PCLO: variants seen among roughly 807,000 people sequenced by gnomAD.
The protein encoded by PCLO is piccolo presynaptic cytomatrix protein.
In PCLO, 82 loss-of-function variants were observed where a neutral mutation model predicts 427.5. That is an observed-to-expected ratio of 0.19 (90% CI 0.16 to 0.23). The LOEUF is 0.23. Among genes scored for constraint, PCLO ranks in the 10% least tolerant of loss-of-function variants. PCLO has a pLI of 1.00. For synonymous variants in PCLO, 2,357 were observed against 2,155.4 expected, an observed-to-expected ratio of 1.09 and a Z score of -2.59; for missense variants, 6,239 against 6,115.9, an observed-to-expected ratio of 1.02 and a Z score of -0.67.
At chr7:83,031,733 T>TCC (rs1391964511) in intron 3 of PCLO, among the ~76,000 whole-genome samples, 44 of 126,984 alleles carry the variant, frequency 3.5e-4, no homozygotes, top group African/African-American at 1.1e-3. Context: ...TCTCTCTCTC[T>TCC]CCCTCCCCCT....
intron 22 of PCLO, among the ~76,000 whole-genome samples, chr7:82,772,294 T>A (rs1254609838): frequency 6.6e-6 from 1 of 152,138 alleles, no homozygotes; most frequent in African/African-American, 2.4e-5. Context: ...ATATTTCGGA[T>A]ATTTTTTTTC....
intron 3 of PCLO, among the ~76,000 whole-genome samples, chr7:83,070,412 A>G (rs10954700): frequency 0.24 from 34,666 of 145,008 alleles, 4,622 homozygotes; most frequent in East Asian, 0.56. Flanking sequence ...TTTGGAGACC[A>G]AGTCTCGCTC....
chr7:83,028,215 C>T (rs1356845583), intron 3 of PCLO, among the ~76,000 whole-genome samples: 1 of 151,658 alleles, frequency 6.6e-6, no homozygotes, highest in African/African-American at 2.4e-5. Context: ...ACCCCATTGT[C>T]TCAGCCCAAA....
intron 19 of PCLO, 96 bp from the exon 20 acceptor site, chr7:82,822,785 G>C: frequency 3.1e-6 from 3 of 980,240 alleles, no homozygotes; most frequent in Non-Finnish European, 4.8e-6. Flanking sequence ...TAAAATTTAT[G>C]TTAATTCTGA....
At chr7:82,790,735 C>A (rs1791083901) in intron 22 of PCLO, among the ~76,000 whole-genome samples, 3 of 152,114 alleles carry the variant, frequency 2.0e-5, no homozygotes, top group Non-Finnish European at 2.9e-5. Context: ...GAAGCACAGT[C>A]AATATAAATT....
At chr7:82,965,312 CTTTCT>C (rs1795740856) in intron 4 of PCLO, among the ~76,000 whole-genome samples, 2 of 135,358 alleles carry the variant, frequency 1.5e-5, no homozygotes, top group African/African-American at 2.8e-5. Context: ...TTTTTTCTTT[CTTTCT>C]TTTTTTTTTT....
chr7:82,915,013 C>T lies in PCLO; in HGVS notation c.12973G>A (p.Asp4325Asn). 1.9e-6 allele frequency: 3 copies of T among 1,613,624 alleles called. No homozygotes were observed. Among genetic ancestry groups the T allele is most frequent in the Non-Finnish European group, 1.7e-6 (2 of 1,179,732 alleles). Residue 4325 changes from aspartate (D) to asparagine (N), a missense_variant, in exon 7 of 25, where the codon GAT becomes AAT. By Grantham distance (23) the Asp-to-Asn change is conservative (BLOSUM62 1). Around this residue, in one of 5 missense-constraint regions of PCLO, gnomAD observed 680 missense variants for 677.3 expected, o/e 1.00. Coordinates refer to ENST00000333891, the MANE Select transcript of PCLO (RefSeq NM_033026.6). The part of the protein sequence containing the change: ...RLKAQEAEAL[D>N]VSFSHASSSA... ...GATGATGCATGACTAAAGGAAACAT[C>T]TAGAGCTTCAGCCTCTTGAGCTTTC...
chr7:83,083,780 A>G (rs1322818591), intron 3 of PCLO, among the ~76,000 whole-genome samples: 1 of 152,110 alleles, frequency 6.6e-6, no homozygotes, highest in Non-Finnish European at 1.5e-5. Flanking sequence ...GACCCTGCCC[A>G]CTCAAACATA....
chr7:82,968,658 T>G (rs1238840404), intron 3 of PCLO, among the ~76,000 whole-genome samples: 1 of 151,574 alleles, frequency 6.6e-6, no homozygotes, highest in African/African-American at 2.4e-5. Flanking sequence ...TAGCTGGGAT[T>G]ACAGGTACAC....
At chr7:82,843,948 G>A (rs145786937) in intron 13 of PCLO, among the ~76,000 whole-genome samples, 130 of 152,136 alleles carry the variant, frequency 8.5e-4, no homozygotes, top group South Asian at 1.7e-3. Context: ...TTACAGGCAT[G>A]AGCCACCATG....
intron 9 of PCLO, among the ~76,000 whole-genome samples, chr7:82,886,050 G>T (rs886650942): frequency 2.0e-5 from 3 of 152,068 alleles, no homozygotes. Flanking sequence ...GGGAGAAGTT[G>T]CAACCAAATA....
intron 3 of PCLO, among the ~76,000 whole-genome samples, chr7:82,968,426 C>A (rs1169189606): frequency 1.3e-5 from 2 of 151,966 alleles, no homozygotes; most frequent in Admixed American, 6.6e-5. Context: ...TTCCATAATA[C>A]CTACAGAAAA....
chr7:83,045,585 A>T (rs1789084776), intron 3 of PCLO, among the ~76,000 whole-genome samples: 1 of 152,084 alleles, frequency 6.6e-6, no homozygotes, highest in African/African-American at 2.4e-5. Flanking sequence ...CTTCCCTATT[A>T]GTAAGTTCTT....
At chr7:82,960,501 T>C (rs1484125917) in intron 4 of PCLO, among the ~76,000 whole-genome samples, 3 of 152,194 alleles carry the variant, frequency 2.0e-5, no homozygotes, top group African/African-American at 7.2e-5. Context: ...GTTTGGTTTC[T>C]ATGAGGAGAG....
intron 3 of PCLO, among the ~76,000 whole-genome samples, chr7:82,974,166 C>A (rs1795965924): frequency 6.6e-6 from 1 of 152,082 alleles, no homozygotes; most frequent in African/African-American, 2.4e-5. Flanking sequence ...GTGGGTAGAT[C>A]TCTTGAGGTC....
At chr7:83,027,702 C>A (rs1315832126) in intron 3 of PCLO, among the ~76,000 whole-genome samples, 4 of 132,398 alleles carry the variant, frequency 3.0e-5, no homozygotes, top group Non-Finnish European at 5.0e-5. Flanking sequence ...ATGCAAAAAT[C>A]CTCAATAAAA....
intron 6 of PCLO, among the ~76,000 whole-genome samples, chr7:82,930,237 G>A (rs1256045089): frequency 6.6e-6 from 1 of 152,084 alleles, no homozygotes; most frequent in Non-Finnish European, 1.5e-5. Flanking sequence ...GAAAACACAA[G>A]TACACGTATG....
rs542296975 is a variant in PCLO, at chr7:83,145,869, A to G, written c.1893+8879T>C. On this transcript the variant is annotated intron_variant, in intron 2 of 24. Transcript: ENST00000333891. The stretch of plus-strand genomic sequence containing the variant: ...CAACAAATAAGTAGCTGATCTAGGT[A>G]GGATTCATACCCACATTGCCCAACT... Among the ~76,000 whole-genome samples, 3 of 152,326 alleles carry G rather than the reference A, an allele frequency of 2.0e-5. No homozygotes were observed. The East Asian group carries it at 5.8e-4, about 29-fold the overall frequency.
intron 3 of PCLO, among the ~76,000 whole-genome samples, chr7:83,103,156 T>A (rs1356451958): frequency 6.6e-6 from 1 of 151,996 alleles, no homozygotes; most frequent in Non-Finnish European, 1.5e-5. Context: ...ACCACTTGGT[T>A]ATTTTTTTGC....
Sources: gnomAD v4.1 joint callset for allele counts (sites outside exome capture counted in the v4.1 genomes callset) on GRCh38, gnomAD v4.1.1 for gene constraint, gnomAD v4.1.1 regional missense constraint, MANE v1.5 for transcripts, NCBI Gene and HGNC (gene_info 2026-07-23, HGNC 2026-07-21) for gene names.